MIGA1: variants seen among roughly 807,000 people sequenced by gnomAD.
The protein encoded by MIGA1 is family with sequence similarity 73, member A.
MIGA1 carries 58 observed loss-of-function variants against 82.0 expected under a neutral mutation model. The observed-to-expected ratio is 0.71, with a 90% confidence interval of 0.57 to 0.88. MIGA1 has a LOEUF of 0.88. Ranked by LOEUF, MIGA1 falls within the 40% of genes least tolerant of loss-of-function variation. The pLI is 0.00. For synonymous variants in MIGA1, 249 were observed against 253.6 expected, an observed-to-expected ratio of 0.98 and a Z score of 0.17; for missense variants, 751 against 749.1, an observed-to-expected ratio of 1.00 and a Z score of -0.03.
chr1:77,811,221 G>A, intron 5 of MIGA1: 2 of 1,554,834 alleles, frequency 1.3e-6, no homozygotes, highest in Non-Finnish European at 1.8e-6. Context: ...CTGTAATATA[G>A]GGATCGATGC....
Position 77,861,153 on chromosome 1 carries a change from T to C in MIGA1, c.1276-71T>C, listed in dbSNP as rs1571009039. 1.5e-5 allele frequency: 15 copies of C among 968,166 alleles called. No homozygotes were observed. The South Asian group carries it at 1.6e-4, about 10-fold the overall frequency. 60.0% of individuals were successfully genotyped at this position (968,166 alleles called of 1,614,324 possible). On this transcript the variant is annotated intron_variant, in intron 11 of 15. Transcript: ENST00000370791. ...GTAGAATTAAGATCTACCAGACTTA[T>C]TTGAAGAGTAACTTTCTTTGTAGCT...
rs182133646 is a variant in MIGA1 at position 77,853,944 on chromosome 1, A to G, written c.997-4994A>G. The G allele has an allele frequency of 1.4e-3, 337 of 234,984 alleles. 1 individual carries two copies. The highest frequency in any genetic ancestry group is 7.4e-3 in the African/African-American group (322 of 43,474). 14.6% of individuals were successfully genotyped at this position (234,984 alleles called of 1,614,324 possible). On this transcript the variant is annotated intron_variant, in intron 8 of 15. Transcript: ENST00000370791. ...TGGGGTACAGGTAGTATTTGGTTAC[A>G]TAAGTTCTTTAGTGGTGATTTGTGA...
chr1:77,861,588 C>T (rs1329055136), intron 12 of MIGA1: 2 of 375,948 alleles, frequency 5.3e-6, no homozygotes, highest in Admixed American at 8.9e-5. Flanking sequence ...TCTCTTCCTT[C>T]TCTCCAAAAG....
intron 8 of MIGA1, among the ~76,000 whole-genome samples, chr1:77,856,850 T>C (rs1685278264): frequency 6.6e-6 from 1 of 152,158 alleles, no homozygotes; most frequent in Non-Finnish European, 1.5e-5. Flanking sequence ...TCCTCTTTTG[T>C]ATTTTTTTTT....
Position 77,803,331 on chromosome 1 carries a change from A to G in MIGA1, c.435A>G (p.Lys145=). The G allele has an allele frequency of 1.3e-6, 2 of 1,565,130 alleles. No individual in the cohort carries two copies. Among genetic ancestry groups the G allele is most frequent in the Non-Finnish European group, 1.7e-6 (2 of 1,152,790 alleles). Residue 145 remains lysine (K), a synonymous_variant, in exon 4 of 16, where the codon AAA becomes AAG. Transcript: ENST00000370791. ...TATCTTTAAGTTCTACCAAAGACAA[A>G]GGATCTCAAGTTTGTAACTATGCTA...
chr1:77,874,169 C>T (rs1010058104), intron 15 of MIGA1, among the ~76,000 whole-genome samples: 124 of 152,120 alleles, frequency 8.2e-4, no homozygotes, highest in African/African-American at 2.8e-3. Flanking sequence ...TTTGAAATTA[C>T]TTTTTTTCTA....
chr1:77,833,343 A>G (rs1443702137), intron 7 of MIGA1, among the ~76,000 whole-genome samples: 1 of 152,214 alleles, frequency 6.6e-6, no homozygotes, highest in African/African-American at 2.4e-5. Context: ...AAGGCTCATA[A>G]TCTTATTTTT....
chr1:77,811,853 G>T (rs1255852661), intron 5 of MIGA1: 1 of 1,390,188 alleles, frequency 7.2e-7, no homozygotes, highest in African/African-American at 1.5e-5. Context: ...ATCCTCCCCC[G>T]GCCTGGCCCC....
intron 8 of MIGA1, among the ~76,000 whole-genome samples, chr1:77,855,449 G>C (rs1279601359): frequency 6.6e-6 from 1 of 152,098 alleles, no homozygotes; most frequent in South Asian, 2.1e-4. Flanking sequence ...TATTCTGATG[G>C]GGATTGCATT....
chr1:77,794,230 T>C (rs887891509), intron 2 of MIGA1, among the ~76,000 whole-genome samples: 2 of 152,238 alleles, frequency 1.3e-5, no homozygotes, highest in Admixed American at 1.3e-4. Context: ...AAGATTAACA[T>C]TGTAATCTTA....
At chr1:77,826,188 C>CT (rs1170914906) in intron 7 of MIGA1, among the ~76,000 whole-genome samples, 3 of 152,116 alleles carry the variant, frequency 2.0e-5, no homozygotes, top group South Asian at 2.1e-4. Context: ...AGACAACATT[C>CT]TTTTTTTCTG....
chr1:77,857,448 G>T (rs558961924), intron 8 of MIGA1, among the ~76,000 whole-genome samples: 2 of 151,620 alleles, frequency 1.3e-5, no homozygotes, highest in Non-Finnish European at 2.9e-5. Context: ...CAGGTGATCC[G>T]CCTGCCTCAG....
At chr1:77,848,033 C>G (rs1379123653) in intron 8 of MIGA1, 1 of 1,277,698 alleles carries the variant, frequency 7.8e-7, no homozygotes, top group African/African-American at 1.5e-5. Context: ...GGCACAGTGC[C>G]AGACACCACA....
chr1:77,871,604 G>A lies in MIGA1; in HGVS notation c.1564-1400G>A, dbSNP rs191859077. On this transcript the variant is annotated intron_variant, in intron 14 of 15. Coordinates refer to ENST00000370791, the MANE Select transcript of MIGA1 (RefSeq NM_198549.4). ...CCAGGAGACAGAATCTTAAGGTGTAGTTTTCTGTAGTCAGTGCTGTATAAC... is the reference window on the plus strand; with the variant it reads ...CCAGGAGACAGAATCTTAAGGTGTAATTTTCTGTAGTCAGTGCTGTATAAC... Among the ~76,000 whole-genome samples, 615 of 152,220 alleles carry A rather than the reference G, an allele frequency of 4.0e-3. 1 individual carries two copies. Among genetic ancestry groups the A allele is most frequent in the Non-Finnish European group, 6.7e-3 (453 of 68,014 alleles).
chr1:77,838,341 TTTATTTA>T (rs1406443049), intron 7 of MIGA1, among the ~76,000 whole-genome samples: 1 of 151,668 alleles, frequency 6.6e-6, no homozygotes, highest in African/African-American at 2.4e-5. Context: ...TATTTATTTA[TTTATTTA>T]TTATTTATTT....
chr1:77,780,140 A>C (rs1681840297), intron 1 of MIGA1: 1 of 993,386 alleles, frequency 1.0e-6, no homozygotes, highest in Non-Finnish European at 1.2e-6. Flanking sequence ...GGAAGACAGC[A>C]GAGGAGAGCT....
intron 8 of MIGA1, chr1:77,853,693 CA>C: frequency 1.5e-5 from 4 of 261,774 alleles, no homozygotes; most frequent in Non-Finnish European, 2.2e-5. Flanking sequence ...AACAAAAACC[CA>C]AAAACAAACA....
chr1:77,840,047 C>T (rs1238164450), intron 7 of MIGA1, among the ~76,000 whole-genome samples: 10 of 152,160 alleles, frequency 6.6e-5, no homozygotes. Context: ...GTTTATGACA[C>T]TTTTAAGAAA....
At chr1:77,807,333 T>A (rs1209434289) in intron 5 of MIGA1, among the ~76,000 whole-genome samples, 2 of 151,972 alleles carry the variant, frequency 1.3e-5, no homozygotes, top group African/African-American at 2.4e-5. Flanking sequence ...AGCTAATTTT[T>A]AAAAAAAATT....
Sources: allele counts gnomAD v4.1 joint callset (sites outside exome capture counted in the v4.1 genomes callset), GRCh38; gene constraint gnomAD v4.1.1; transcripts MANE v1.5; gene names NCBI Gene and HGNC (gene_info 2026-07-23, HGNC 2026-07-21).